CRYBB2: variants seen among roughly 807,000 people sequenced by gnomAD.
CRYBB2 encodes beta-crystallin B2.
Under a neutral mutation model 24.3 loss-of-function variants are expected in CRYBB2, and 12 were observed. That is an observed-to-expected ratio of 0.49 (90% CI 0.32 to 0.80). The LOEUF is 0.80. Ranked by LOEUF, CRYBB2 falls within the 30% of genes least tolerant of loss-of-function variation. CRYBB2 has a pLI of 0.04. For missense variants in CRYBB2, 198 were observed against 268.5 expected (o/e 0.74, Z 1.83); for synonymous variants, 98 against 101.6 (o/e 0.96, Z 0.21).
At chr22:25,230,030 C>T (rs1340838654) in intron 5 of CRYBB2, among the ~76,000 whole-genome samples, 2 of 151,950 alleles carry the variant, frequency 1.3e-5, no homozygotes, top group African/African-American at 2.4e-5. Flanking sequence ...AGTTCCTGGG[C>T]ACATCGACCC....
intron 2 of CRYBB2, 35 bp from the exon 3 acceptor site, chr22:25,224,883 C>A (rs1301425824): frequency 3.4e-6 from 4 of 1,159,546 alleles, no homozygotes; most frequent in Admixed American, 1.7e-5. Flanking sequence ...TCCTCTTCAT[C>A]GTGATGAGGG....
chr22:25,231,544 C>G lies in CRYBB2; in HGVS notation c.450-60C>G, dbSNP rs1935532321. 2.0e-6 allele frequency: 3 copies of G among 1,531,624 alleles called. No individual in the cohort carries two copies. The East Asian group carries it at 6.7e-5, about 34-fold the overall frequency. The allele number at this position is 1,531,624 out of a possible 1,614,324, so 94.9% of individuals were successfully genotyped here. On this transcript the variant is annotated intron_variant, in intron 5 of 5. Transcript: ENST00000398215. ...TCTATCTCTCTCCCCTCGCCTCTCT[C>G]TCTGTCTGCTTCTCTTCCTGTCCCC...
At chr22:25,225,064 C>A in intron 3 of CRYBB2, 28 bp downstream of exon 3, 1 of 1,234,060 alleles carries the variant, frequency 8.1e-7, no homozygotes, top group South Asian at 1.2e-5. Context: ...CTCTCCTGGT[C>A]AGGGACTTTG....
At chr22:25,219,356 A>G (rs530182308), upstream of CRYBB2, among the ~76,000 whole-genome samples, 1 of 152,122 alleles carries the variant, frequency 6.6e-6, no homozygotes, top group Non-Finnish European at 1.5e-5. Flanking sequence ...TGACCGTACC[A>G]GTGAACCCAG....
intron 1 of CRYBB2, 84 bp from the exon 2 acceptor site, chr22:25,221,320 A>G (rs1277494706): frequency 1.9e-5 from 16 of 832,606 alleles, no homozygotes; most frequent in Non-Finnish European, 3.4e-5. Context: ...GTTTGGGGCC[A>G]GAGGGGAGTG....
chr22:25,214,287 G>A (rs1326543769), intron 1 of CRYBB2, among the ~76,000 whole-genome samples: 1 of 152,220 alleles, frequency 6.6e-6, no homozygotes, highest in Non-Finnish European at 1.5e-5. Flanking sequence ...GCATTGAGCT[G>A]TGATAGCACC....
chr22:25,219,732 G>A (rs1024310072), intron 1 of CRYBB2, 66 bp downstream of exon 1: 1 of 152,148 alleles, frequency 6.6e-6, no homozygotes, highest in Non-Finnish European at 1.5e-5. Flanking sequence ...CGCAAGCATG[G>A]GAGCACCCAG....
At position 25,227,770 on chromosome 22, in the gene CRYBB2, G is replaced by A. The variant is rs199826504; in HGVS notation, c.174-83G>A. The A allele has an allele frequency of 5.0e-3, 8,096 of 1,608,684 alleles. 38 individuals are homozygous for A. The highest frequency in any genetic ancestry group is 5.5e-3 in the Non-Finnish European group (6,514 of 1,178,584). On this transcript the variant is annotated intron_variant, in intron 3 of 5. Transcript: ENST00000398215. Reference sequence around the variant, plus strand: ...GGGCTGGGCAAGAGTGAACCCTAGGGGTCAACATCAGTAGCCAGGATTCTG... The same window carrying A: ...GGGCTGGGCAAGAGTGAACCCTAGGAGTCAACATCAGTAGCCAGGATTCTG...
chr22:25,211,955 G>A (rs6004486), upstream of CRYBB2, among the ~76,000 whole-genome samples: 20,064 of 152,218 alleles, frequency 0.13, 1,401 homozygotes, highest in South Asian at 0.27. Context: ...GTTTGCCTTT[G>A]GGCAAGTCAC....
At chr22:25,224,653 G>A (rs1237564557) in intron 2 of CRYBB2, among the ~76,000 whole-genome samples, 1 of 152,124 alleles carries the variant, frequency 6.6e-6, no homozygotes, top group South Asian at 2.1e-4. Flanking sequence ...ACAGGGGTGA[G>A]CCCACCACAC....
intron 3 of CRYBB2, among the ~76,000 whole-genome samples, chr22:25,226,737 G>A (rs762172455): frequency 2.3e-4 from 35 of 152,152 alleles, no homozygotes; most frequent in Non-Finnish European, 3.7e-4. Context: ...TCAATGGTGC[G>A]ATCTCAAGTC....
Position 25,228,610 on chromosome 22 carries a change from C to G in CRYBB2, c.306+625C>G, listed in dbSNP as rs183215788. Among the ~76,000 whole-genome samples, 556 of 152,298 alleles carry G rather than the reference C, an allele frequency of 3.7e-3. 7 individuals are homozygous for G. The highest frequency in any genetic ancestry group is 0.013 in the African/African-American group (529 of 41,558). ...AGCCCAGTCTAGCTCCTCCCAGGAC[C>G]TACTGGAAGGTTGGGGAACACGGGA... is the stretch of plus-strand genomic sequence containing the variant. On this transcript the variant is annotated intron_variant, in intron 4 of 5. Transcript: ENST00000398215.
In CRYBB2 at chr22:25,229,587, G is replaced by A. The variant is rs4049505; in HGVS notation, c.449+9G>A. 0.69 allele frequency: 1,114,437 copies of A among 1,613,564 alleles called. 388,526 individuals are homozygous for A. The highest frequency in any genetic ancestry group is 0.96 in the East Asian group (43,118 of 44,878). The stretch of plus-strand genomic sequence containing the variant: ...CGGGTGCAGAGTGGCACGTAAGTGC[G>A]TTGCCAGCCCTGGCTCACCCTGCCC... On this transcript the variant is annotated intron_variant, in intron 5 of 5. Coordinates refer to ENST00000398215, the MANE Select transcript of CRYBB2 (RefSeq NM_000496.3).
upstream of CRYBB2, among the ~76,000 whole-genome samples, chr22:25,218,782 G>GAAAGAA (rs1555888288): frequency 2.6e-5 from 1 of 38,790 alleles, no homozygotes; most frequent in African/African-American, 1.3e-4. Context: ...AGAGAGAGAA[G>GAAAGAA]AAAGAAAGAA....
intron 1 of CRYBB2, 39 bp from the exon 2 acceptor site, chr22:25,221,365 C>T (rs1039202707): frequency 3.1e-6 from 4 of 1,305,082 alleles, no homozygotes; most frequent in East Asian, 2.3e-5. Context: ...AAGCCAGTGG[C>T]CCCTCCAGGT....
At chr22:25,218,776 AG>A (rs1569016260), upstream of CRYBB2, among the ~76,000 whole-genome samples, 248 of 30,304 alleles carry the variant, frequency 8.2e-3, 1 homozygote, top group African/African-American at 0.021. Flanking sequence ...AGAGAGAGAG[AG>A]AGAAGAAAGA....
chr22:25,221,571 A>C, intron 2 of CRYBB2, 88 bp downstream of exon 2: 2 of 988,000 alleles, frequency 2.0e-6, no homozygotes, highest in South Asian at 1.3e-5. Flanking sequence ...ATCTTTCTTC[A>C]TGGGTACCCC....
intron 1 of CRYBB2, among the ~76,000 whole-genome samples, chr22:25,221,100 C>A (rs1281922323): frequency 1.3e-5 from 2 of 152,174 alleles, no homozygotes; most frequent in Non-Finnish European, 2.9e-5. Flanking sequence ...TGTGTGGTAT[C>A]CATTGTCTGG....
At position 25,229,570 on chromosome 22, in the gene CRYBB2, G is replaced by C. The variant is rs1317452059; in HGVS notation, c.441G>C (p.Gln147His). 6.2e-7 allele frequency: 1 copy of C among 1,614,154 alleles called. No homozygotes were observed. The highest frequency in any genetic ancestry group is 2.2e-5 in the East Asian group (1 of 44,886). ...YQEKVSSVRV[Q>H]SGTWVGYQYP... ...AGAAGGTGTCATCTGTGCGGGTGCAGAGTGGCACGTAAGTGCGTTGCCAGC... is the reference window on the plus strand; with the variant it reads ...AGAAGGTGTCATCTGTGCGGGTGCACAGTGGCACGTAAGTGCGTTGCCAGC... Residue 147 changes from glutamine to histidine, a missense_variant, in exon 5 of 6, where the codon CAG (glutamine) becomes CAC (histidine). Transcript: ENST00000398215.
Sources: allele counts gnomAD v4.1 joint callset (sites outside exome capture counted in the v4.1 genomes callset), GRCh38; gene constraint gnomAD v4.1.1; transcripts MANE v1.5; gene names NCBI Gene and HGNC (gene_info 2026-07-23, HGNC 2026-07-21).